Variants in MTPN observed in about 807,000 individuals in gnomAD.
MTPN encodes the protein granule cell differentiation protein.
A neutral mutation model predicts 13.5 loss-of-function variants in MTPN; 2 were observed. The observed-to-expected ratio is 0.15, with a 90% CI of 0.06 to 0.47. The LOEUF is 0.47. Ranked by LOEUF, MTPN falls within the 20% of genes least tolerant of loss-of-function variation. MTPN has a pLI of 0.97. For synonymous variants in MTPN, 46 were observed against 51.7 expected (o/e 0.89, Z 0.48); for missense variants, 79 against 137.9 (o/e 0.57, Z 2.14).
intron 1 of MTPN, among the ~76,000 whole-genome samples, chr7:135,966,853 C>T (rs1221889178): frequency 1.3e-5 from 2 of 152,106 alleles, no homozygotes; most frequent in Admixed American, 1.3e-4. Flanking sequence ...AAGATTCATA[C>T]TATATAAGTA....
chr7:135,972,969 C>G (rs1471940), intron 1 of MTPN, among the ~76,000 whole-genome samples: 2 of 151,178 alleles, frequency 1.3e-5, no homozygotes, highest in African/African-American at 4.9e-5. Flanking sequence ...AACAGGATGG[C>G]AGGGTCTGGA....
At chr7:135,967,726 ATG>A (rs2116404145) in intron 1 of MTPN, among the ~76,000 whole-genome samples, 1 of 152,162 alleles carries the variant, frequency 6.6e-6, no homozygotes, top group East Asian at 1.9e-4. Flanking sequence ...TACACTTATT[ATG>A]TAGGTATTAC....
At chr7:135,939,468 A>T (rs1252565238) in intron 3 of MTPN, among the ~76,000 whole-genome samples, 1 of 151,238 alleles carries the variant, frequency 6.6e-6, no homozygotes, top group Non-Finnish European at 1.5e-5. Flanking sequence ...TGACTATCTG[A>T]CCTAATTTTG....
In MTPN at chr7:135,929,747, C is replaced by T. The variant is rs1798985162; in HGVS notation, c.*179G>A. The T allele has an allele frequency of 1.6e-6, 1 of 619,546 alleles. No individual in the cohort carries two copies. Among genetic ancestry groups the T allele is most frequent in the Non-Finnish European group, 2.9e-6 (1 of 343,686 alleles). The allele number at this position is 619,546 out of a possible 1,614,324, so 38.4% of individuals were successfully genotyped here. A position where few individuals can be genotyped will look rare whatever the true frequency, so the allele number is the denominator to read the frequency against. The stretch of plus-strand genomic sequence containing the variant: ...AAGCCTGATCATGGTTCCTTTTGCC[C>T]CTCCTCCAAAACAATTTTTTTTTTC... On this transcript the variant is annotated 3_prime_UTR_variant, in exon 4 of 4. Coordinates refer to ENST00000393085, the MANE Select transcript of MTPN (RefSeq NM_145808.4).
intron 1 of MTPN, among the ~76,000 whole-genome samples, chr7:135,969,690 G>GA (rs1475623187): frequency 1.3e-5 from 2 of 151,804 alleles, no homozygotes; most frequent in Non-Finnish European, 2.9e-5. Context: ...TCACAAAAGA[G>GA]AAAAAAAGCG....
chr7:135,964,321 C>G (rs141721405), intron 1 of MTPN, among the ~76,000 whole-genome samples: 33 of 152,132 alleles, frequency 2.2e-4, no homozygotes, highest in African/African-American at 7.9e-4. Flanking sequence ...TTTAACTAAA[C>G]CTACCAAAGA....
chr7:135,968,267 C>T (rs542086716), intron 1 of MTPN, among the ~76,000 whole-genome samples: 54 of 152,152 alleles, frequency 3.5e-4, no homozygotes, highest in Admixed American at 2.5e-3. Context: ...TTAAACTTTT[C>T]GTGAAGCTCA....
At chr7:135,957,563 T>C (rs1584815132) in intron 1 of MTPN, among the ~76,000 whole-genome samples, 1 of 152,136 alleles carries the variant, frequency 6.6e-6, no homozygotes, top group Non-Finnish European at 1.5e-5. Context: ...GTGAGTTCCA[T>C]GTCAGAGGAG....
At chr7:135,934,265 CAT>C (rs1753866877) in intron 3 of MTPN, among the ~76,000 whole-genome samples, 1 of 152,124 alleles carries the variant, frequency 6.6e-6, no homozygotes, top group Non-Finnish European at 1.5e-5. Context: ...GTGCCAAGCA[CAT>C]AGGTTGGCAG....
intron 3 of MTPN, among the ~76,000 whole-genome samples, chr7:135,939,410 C>G (rs1799165510): frequency 6.7e-6 from 1 of 148,530 alleles, no homozygotes. Context: ...TCCTCTACTA[C>G]AGAGGTTGAA....
chr7:135,963,448 T>C (rs942000739), intron 1 of MTPN, among the ~76,000 whole-genome samples: 14 of 152,008 alleles, frequency 9.2e-5, no homozygotes, highest in African/African-American at 3.4e-4. Context: ...TGGGTTTATA[T>C]GTAAACTCTA....
At chr7:135,941,881 CTTTTTTTT>C (rs564045963) in intron 3 of MTPN, among the ~76,000 whole-genome samples, 1 of 136,198 alleles carries the variant, frequency 7.3e-6, no homozygotes, top group South Asian at 2.4e-4. Flanking sequence ...TGTTATATTA[CTTTTTTTT>C]TTTTTTTTTT....
chr7:135,936,305 C>T (rs374200219), intron 3 of MTPN, among the ~76,000 whole-genome samples: 1 of 152,068 alleles, frequency 6.6e-6, no homozygotes, highest in South Asian at 2.1e-4. Context: ...GTCAACATGG[C>T]GAAACCCCGT....
chr7:135,944,441 C>A (rs1425528991), intron 3 of MTPN, among the ~76,000 whole-genome samples: 1 of 151,894 alleles, frequency 6.6e-6, no homozygotes, highest in African/African-American at 2.4e-5. Flanking sequence ...TTTGGGAGGC[C>A]GAGGCAGGCG....
Position 135,938,919 on chromosome 7 carries a change from T to C in MTPN, c.271-8907A>G, listed in dbSNP as rs185896614. On this transcript the variant is annotated intron_variant, in intron 3 of 3. Coordinates refer to ENST00000393085, the MANE Select transcript of MTPN (RefSeq NM_145808.4). ...TGTTACTCTGCTTAAGAGAAAAGTATATAATACCCTTAAGAAATTTTCTAT... is the reference window on the plus strand; with the variant it reads ...TGTTACTCTGCTTAAGAGAAAAGTACATAATACCCTTAAGAAATTTTCTAT... 8.5e-5 allele frequency among the ~76,000 whole-genome samples: 13 copies of C among 152,326 alleles called. No homozygotes were observed. The East Asian group carries it at 2.3e-3, about 27-fold the overall frequency.
At position 135,927,292 on chromosome 7, in the gene MTPN, C is replaced by T. The variant is rs1196212333; in HGVS notation, c.*2634G>A. On this transcript the variant is annotated 3_prime_UTR_variant, in exon 4 of 4. Coordinates refer to ENST00000393085, the MANE Select transcript of MTPN (RefSeq NM_145808.4). ...ACTGGGTTTAGAAAGGTGAGCTATG[C>T]GTAGAAGAACTACTTGGGATATTCA... The T allele has an allele frequency of 1.2e-5, 18 of 1,549,064 alleles. No individual in the cohort carries two copies. Among genetic ancestry groups the T allele is most frequent in the African/African-American group, 2.7e-5 (2 of 73,086 alleles).
intron 3 of MTPN, among the ~76,000 whole-genome samples, chr7:135,936,785 T>A (rs545512971): frequency 6.6e-6 from 1 of 152,318 alleles, no homozygotes; most frequent in East Asian, 1.9e-4. Flanking sequence ...AGAAAAAGGT[T>A]GCTATGGCCA....
intron 1 of MTPN, among the ~76,000 whole-genome samples, chr7:135,969,711 C>CCCCA (rs1445413891): frequency 6.6e-6 from 1 of 151,986 alleles, no homozygotes; most frequent in Non-Finnish European, 1.5e-5. Flanking sequence ...ATACATTTAA[C>CCCCA]CCCACAAAAA....
intron 1 of MTPN, among the ~76,000 whole-genome samples, chr7:135,954,709 G>A (rs1320635349): frequency 2.0e-5 from 3 of 152,150 alleles, no homozygotes; most frequent in African/African-American, 4.8e-5. Flanking sequence ...TTGGGAGGCC[G>A]AGGCGGGAGG....
Sources: allele counts gnomAD v4.1 joint callset (sites outside exome capture counted in the v4.1 genomes callset), GRCh38; gene constraint gnomAD v4.1.1; transcripts MANE v1.5; gene names NCBI Gene and HGNC (gene_info 2026-07-23, HGNC 2026-07-21).